Variants in DAB1 observed in about 807,000 individuals in gnomAD.
DAB1 encodes the protein disabled homolog 1.
Under a neutral mutation model 64.6 loss-of-function variants are expected in DAB1, and 15 were observed. The observed-to-expected ratio is 0.23, with a 90% confidence interval of 0.16 to 0.36. DAB1 has a LOEUF of 0.36. Among genes scored for constraint, DAB1 ranks in the 10% least tolerant of loss-of-function variants. The probability of loss-of-function intolerance (pLI) is 1.00; values close to 1 mark genes in which losing one functional copy is unlikely to be tolerated. For synonymous variants in DAB1, 235 were observed against 251.9 expected (o/e 0.93, Z 0.64); for missense variants, 596 against 706.7 (o/e 0.84, Z 1.78).
chr1:57,099,783 C>T (rs1277679279), intron 4 of DAB1, among the ~76,000 whole-genome samples: 1 of 152,052 alleles, frequency 6.6e-6, no homozygotes, highest in Non-Finnish European at 1.5e-5. Flanking sequence ...TCCAAAGGTG[C>T]CATGGAAGGT....
intron 3 of DAB1, among the ~76,000 whole-genome samples, chr1:58,476,890 C>T (rs370591262): frequency 1.3e-4 from 20 of 152,254 alleles, no homozygotes; most frequent in East Asian, 9.7e-4. Context: ...AGGAAGAGGA[C>T]GGACTTTGGA....
chr1:57,492,637 G>C (rs1484348440), intron 7 of DAB1, among the ~76,000 whole-genome samples: 1 of 152,180 alleles, frequency 6.6e-6, no homozygotes, highest in Non-Finnish European at 1.5e-5. Context: ...CAGAACTCTA[G>C]AGCCTAGGAT....
Position 57,106,744 on chromosome 1 carries a change from T to G in DAB1, c.306+29799A>C, listed in dbSNP as rs377381538. On this transcript the variant is annotated intron_variant, in intron 4 of 14. Coordinates refer to ENST00000371236, the MANE Select transcript of DAB1 (RefSeq NM_001365792.1). ...GTAATAAAGGAATAGTATTCACTCA[T>G]TCTTCATGTCCCCGGCCCTTTCTGT... 8.5e-5 allele frequency among the ~76,000 whole-genome samples: 13 copies of G among 152,340 alleles called. No homozygotes were observed. The East Asian group carries it at 1.4e-3, about 16-fold the overall frequency.
At chr1:57,163,656 G>A (rs1019424196) in intron 2 of DAB1, among the ~76,000 whole-genome samples, 2 of 152,076 alleles carry the variant, frequency 1.3e-5, no homozygotes, top group African/African-American at 4.8e-5. Context: ...AGAAGTAGAA[G>A]CAGGGGCTAA....
At chr1:57,436,757 G>C (rs965666517) in intron 7 of DAB1, among the ~76,000 whole-genome samples, 2 of 152,056 alleles carry the variant, frequency 1.3e-5, no homozygotes, top group Non-Finnish European at 2.9e-5. Flanking sequence ...GGCTGGGTGC[G>C]GTGGCTCACG....
chr1:58,184,911 A>C (rs1192371264), intron 4 of DAB1, among the ~76,000 whole-genome samples: 1 of 152,170 alleles, frequency 6.6e-6, no homozygotes, highest in African/African-American at 2.4e-5. Flanking sequence ...CAAGAGATTG[A>C]TATGGCTGAA....
chr1:58,466,314 G>T (rs1366293517), intron 3 of DAB1, among the ~76,000 whole-genome samples: 1 of 152,038 alleles, frequency 6.6e-6, no homozygotes, highest in Admixed American at 6.5e-5. Flanking sequence ...CGGGAGTCAG[G>T]TCTGCATCAT....
At chr1:57,999,485 T>C (rs1422838506) in intron 5 of DAB1, among the ~76,000 whole-genome samples, 4 of 152,176 alleles carry the variant, frequency 2.6e-5, no homozygotes, top group African/African-American at 7.2e-5. Flanking sequence ...TAGGATCCCA[T>C]AGCCAGGAAA....
At chr1:57,645,480 CT>C (rs1408282589) in intron 7 of DAB1, among the ~76,000 whole-genome samples, 1 of 152,162 alleles carries the variant, frequency 6.6e-6, no homozygotes, top group African/African-American at 2.4e-5. Context: ...AGGAAAGAGT[CT>C]CTTCAGCTTC....
chr1:57,916,769 C>A (rs1644733040), intron 5 of DAB1, among the ~76,000 whole-genome samples: 1 of 152,084 alleles, frequency 6.6e-6, no homozygotes, highest in African/African-American at 2.4e-5. Flanking sequence ...GAAACCCCTT[C>A]TCTACTAATA....
chr1:57,987,665 A>G (rs1283872422), intron 5 of DAB1, among the ~76,000 whole-genome samples: 1 of 152,132 alleles, frequency 6.6e-6, no homozygotes, highest in Non-Finnish European at 1.5e-5. Context: ...TGAAATGGAG[A>G]TGACTTCTTT....
At chr1:57,846,268 G>A (rs1431910252) in intron 1 of DAB1, among the ~76,000 whole-genome samples, 1 of 151,958 alleles carries the variant, frequency 6.6e-6, no homozygotes, top group Non-Finnish European at 1.5e-5. Context: ...GACCATCCTG[G>A]CTAACATGGT....
chr1:57,745,530 G>GA (rs1039355135), intron 6 of DAB1, among the ~76,000 whole-genome samples: 2 of 151,980 alleles, frequency 1.3e-5, no homozygotes, highest in South Asian at 2.1e-4. Flanking sequence ...CCATTCCAGG[G>GA]AAAAAACCCT....
chr1:57,603,592 C>T (rs1012604235), intron 7 of DAB1, among the ~76,000 whole-genome samples: 2 of 152,196 alleles, frequency 1.3e-5, no homozygotes, highest in African/African-American at 4.8e-5. Flanking sequence ...AACCGAAGTG[C>T]CCTGATCCTG....
intron 2 of DAB1, among the ~76,000 whole-genome samples, chr1:57,262,860 T>C (rs1670289033): frequency 6.6e-6 from 1 of 152,032 alleles, no homozygotes. Flanking sequence ...GCCCTAAGGG[T>C]ACTAAGTGAA....
chr1:58,359,645 C>T (rs1232869487), intron 3 of DAB1, among the ~76,000 whole-genome samples: 1 of 122,822 alleles, frequency 8.1e-6, no homozygotes, highest in African/African-American at 2.9e-5. Flanking sequence ...CATGTTGACT[C>T]ATGAAGAAAG....
intron 1 of DAB1, among the ~76,000 whole-genome samples, chr1:57,852,914 C>T (rs1375276827): frequency 6.6e-6 from 1 of 152,096 alleles, no homozygotes; most frequent in Non-Finnish European, 1.5e-5. Flanking sequence ...AGGTGATTGA[C>T]ACATAATTTG....
At chr1:58,324,210 A>C (rs1318122589) in intron 4 of DAB1, among the ~76,000 whole-genome samples, 1 of 152,168 alleles carries the variant, frequency 6.6e-6, no homozygotes, top group Admixed American at 6.5e-5. Flanking sequence ...GCCTCGCTGC[A>C]TATGCTTCTT....
chr1:57,986,407 G>A (rs12073599), intron 5 of DAB1, among the ~76,000 whole-genome samples: 3,086 of 152,230 alleles, frequency 0.02, 73 homozygotes, highest in African/African-American at 0.05. Flanking sequence ...TGCCATCTAT[G>A]AGCCAGAAAT....
Sources: allele counts gnomAD v4.1 joint callset (sites outside exome capture counted in the v4.1 genomes callset), GRCh38; gene constraint gnomAD v4.1.1; transcripts MANE v1.5; gene names NCBI Gene and HGNC (gene_info 2026-07-23, HGNC 2026-07-21).